Variants in PCDHGA2 observed in about 807,000 individuals in gnomAD.
The protein encoded by PCDHGA2 is protocadherin gamma-A2.
A neutral mutation model predicts 59.2 loss-of-function variants in PCDHGA2; 40 were observed. The observed-to-expected ratio is 0.68, with a 90% CI of 0.52 to 0.88. The LOEUF (loss-of-function observed/expected upper bound fraction) is 0.88. PCDHGA2 is among the 40% of genes least tolerant of loss of function. The pLI is 0.00. For missense variants in PCDHGA2, 1,226 were observed against 1,204.0 expected (o/e 1.02, Z -0.27); for synonymous variants, 560 against 526.0 (o/e 1.06, Z -0.89).
intron 1 of PCDHGA2, among the ~76,000 whole-genome samples, chr5:141,458,921 C>CG (rs2098956905): frequency 6.6e-6 from 1 of 151,960 alleles, no homozygotes; most frequent in African/African-American, 2.4e-5. Flanking sequence ...TTTGTGGAGA[C>CG]GGGGTCTCAC....
At chr5:141,361,539 C>T (rs754978831) in intron 1 of PCDHGA2, 2 of 1,614,028 alleles carry the variant, frequency 1.2e-6, no homozygotes, top group South Asian at 1.1e-5. Context: ...ATCCTCCTGG[C>T]GCCTCTATCG....
chr5:141,396,620 A>C (rs1222901061), intron 1 of PCDHGA2: 1 of 142,662 alleles, frequency 7.0e-6, no homozygotes, highest in Admixed American at 7.0e-5. Flanking sequence ...ACTCCGTCTC[A>C]AAAAAAAAAA....
chr5:141,433,115 G>T, intron 1 of PCDHGA2: 1 of 1,613,762 alleles, frequency 6.2e-7, no homozygotes, highest in Non-Finnish European at 8.5e-7. Context: ...GGAGAGCTTT[G>T]AAAAAAGCGA....
At chr5:141,430,950 TC>T (rs1353555538) in intron 1 of PCDHGA2, 1 of 1,609,980 alleles carries the variant, frequency 6.2e-7, no homozygotes, top group East Asian at 2.2e-5. Flanking sequence ...GAGCGCGGAG[TC>T]CGCATCATCC....
At chr5:141,415,151 C>G in intron 1 of PCDHGA2, 2 of 1,613,814 alleles carry the variant, frequency 1.2e-6, no homozygotes, top group Non-Finnish European at 1.7e-6. Flanking sequence ...CCCCCTCTCT[C>G]CGCCACTGTC....
chr5:141,349,240 T>TTG (rs1758259176), intron 1 of PCDHGA2, among the ~76,000 whole-genome samples: 1 of 98,034 alleles, frequency 1.0e-5, no homozygotes, highest in Admixed American at 1.1e-4. Flanking sequence ...TGGATAATTT[T>TTG]TATTTTTTTT....
At chr5:141,464,009 T>C (rs1187492781) in intron 1 of PCDHGA2, among the ~76,000 whole-genome samples, 1 of 151,950 alleles carries the variant, frequency 6.6e-6, no homozygotes. Context: ...CTCATGCTTG[T>C]AATCCCACAC....
chr5:141,356,031 G>T (rs759003895), intron 1 of PCDHGA2: 1 of 1,613,836 alleles, frequency 6.2e-7, no homozygotes, highest in Admixed American at 1.7e-5. Flanking sequence ...ATGGAGACGT[G>T]ACGTATTCTT....
chr5:141,413,533 C>G, intron 1 of PCDHGA2: 1 of 1,613,934 alleles, frequency 6.2e-7, no homozygotes, highest in Non-Finnish European at 8.5e-7. Flanking sequence ...CAGGGTGAAA[C>G]TTTTTGGGAT....
At chr5:141,372,414 G>C (rs1290805149) in intron 1 of PCDHGA2, 1 of 1,613,910 alleles carries the variant, frequency 6.2e-7, no homozygotes, top group African/African-American at 1.3e-5. Flanking sequence ...GATACAACCT[G>C]ACCTTAGCGA....
At chr5:141,399,194 C>G in intron 1 of PCDHGA2, 1 of 1,613,838 alleles carries the variant, frequency 6.2e-7, no homozygotes, top group Non-Finnish European at 8.5e-7. Context: ...CTGGAAAACG[C>G]GGTGCCTGGA....
chr5:141,410,068 C>T (rs2095353806), intron 1 of PCDHGA2: 1 of 1,612,832 alleles, frequency 6.2e-7, no homozygotes, highest in Non-Finnish European at 8.5e-7. Context: ...TGGGGCTGCG[C>T]ACTGGGGAGG....
At position 141,432,394 on chromosome 5, in the gene PCDHGA2, C is replaced by G; in HGVS notation, c.2425-62413C>G. 1 of 1,614,260 alleles carries G rather than the reference C, an allele frequency of 6.2e-7. No individual in the cohort carries two copies. The highest frequency in any genetic ancestry group is 8.5e-7 in the Non-Finnish European group (1 of 1,180,050). On this transcript the variant is annotated intron_variant, in intron 1 of 3. Transcript: ENST00000394576. This position sits in a 1 kb window ranked among gnomAD's most constrained non-coding sequence, Gnocchi z 6.0. The stretch of plus-strand genomic sequence containing the variant: ...ACGGGCACCCGCCCCTCAGCAGCAA[C>G]GTGTCGTTGAGCCTGTTCGTGCTGG...
Position 141,487,910 on chromosome 5 carries a change from C to T in PCDHGA2, c.2425-6897C>T, listed in dbSNP as rs2099668803. The T allele has an allele frequency of 3.0e-6, 2 of 661,468 alleles. No individual in the cohort carries two copies. Among genetic ancestry groups the T allele is most frequent in the Non-Finnish European group, 5.1e-6 (2 of 388,904 alleles). The allele number at this position is 661,468 out of a possible 1,614,324, so 41.0% of individuals were successfully genotyped here. ...AGCATGATGATGGAATGTGGGAGCA[C>T]AGGAGGCTACAGTGCACAGGGTACA... On this transcript the variant is annotated intron_variant, in intron 1 of 3. Transcript: ENST00000394576. The surrounding 1 kb of genome is among the most constrained non-coding windows in gnomAD (Gnocchi z 5.0).
intron 1 of PCDHGA2, among the ~76,000 whole-genome samples, chr5:141,386,638 G>A (rs1376557329): frequency 6.6e-6 from 1 of 151,840 alleles, no homozygotes; most frequent in Non-Finnish European, 1.5e-5. Flanking sequence ...CACCCAGGCT[G>A]GATACATTTT....
Position 141,432,757 on chromosome 5 carries a change from C to T in PCDHGA2, c.2425-62050C>T. On this transcript the variant is annotated intron_variant, in intron 1 of 3. Coordinates refer to ENST00000394576, the MANE Select transcript of PCDHGA2 (RefSeq NM_018915.4). This position sits in a 1 kb window ranked among gnomAD's most constrained non-coding sequence, Gnocchi z 6.0. ...TCACGCTCACCGTGGCCGTGGCCGA[C>T]AGCATCCCCCAAGTCCTGGCGGACC... is the stretch of plus-strand genomic sequence containing the variant. 1.2e-6 allele frequency: 2 copies of T among 1,614,150 alleles called. No individual in the cohort carries two copies. Among genetic ancestry groups the T allele is most frequent in the African/African-American group, 1.3e-5 (1 of 75,076 alleles).
rs371232283 is a variant in PCDHGA2, at chr5:141,390,337, C to T, written c.2424+48942C>T. ...CATTGCCTACCCATTTCTCCATATT[C>T]ACAAGAAAATATACATATTTGCAGG... On this transcript the variant is annotated intron_variant, in intron 1 of 3. Coordinates refer to ENST00000394576, the MANE Select transcript of PCDHGA2 (RefSeq NM_018915.4). 9.4e-6 allele frequency: 15 copies of T among 1,595,800 alleles called. No homozygotes were observed. In the African/African-American group the frequency reaches 1.5e-4, roughly 16 times the overall value.
chr5:141,357,501 C>G, intron 1 of PCDHGA2: 1 of 1,614,254 alleles, frequency 6.2e-7, no homozygotes, highest in South Asian at 1.1e-5. Context: ...GGAAGAGTCA[C>G]CTGATCTTCT....
intron 1 of PCDHGA2, chr5:141,400,192 G>T (rs1411721247): frequency 6.2e-7 from 1 of 1,614,088 alleles, no homozygotes; most frequent in South Asian, 1.1e-5. Flanking sequence ...GTTTTACCTA[G>T]TGGTGGCCTT....
Sources: gnomAD v4.1 joint callset for allele counts (sites outside exome capture counted in the v4.1 genomes callset) on GRCh38, gnomAD v4.1.1 for gene constraint, Gnocchi (gnomAD v3.1) non-coding constraint, MANE v1.5 for transcripts, NCBI Gene and HGNC (gene_info 2026-07-23, HGNC 2026-07-21) for gene names.